SOCS7: variants seen among roughly 807,000 people sequenced by gnomAD.
SOCS7 encodes the protein NAP-4.
A neutral mutation model predicts 58.9 loss-of-function variants in SOCS7; 18 were observed. That is an observed-to-expected ratio of 0.31 (90% CI 0.21 to 0.45). The LOEUF is 0.45. SOCS7 is among the 20% of genes least tolerant of loss of function. The pLI is 1.00. For missense variants in SOCS7, 667 were observed against 837.3 expected (o/e 0.80, Z 2.51); for synonymous variants, 388 against 364.3 (o/e 1.06, Z -0.74).
intron 3 of SOCS7, 25 bp from the exon 4 acceptor site, chr17:38,365,283 C>A (rs935731750): frequency 1.3e-6 from 2 of 1,558,374 alleles, no homozygotes; most frequent in Non-Finnish European, 1.8e-6. Context: ...ATTTCTGAAC[C>A]TCTTGCTTTT....
Position 38,405,536 on chromosome 17 carries a change from C to T in SOCS7, c.*6054C>T, listed in dbSNP as rs1206786306. On this transcript the variant is annotated 3_prime_UTR_variant, in exon 10 of 10. Transcript: ENST00000612932. ...CTCCTTTTTATGATTGCTGTACCTACCCATGTCTTTTTGGGGAGGGGTGAA... is the reference window on the plus strand; with the variant it reads ...CTCCTTTTTATGATTGCTGTACCTATCCATGTCTTTTTGGGGAGGGGTGAA... The T allele has an allele frequency of 6.6e-6, 1 of 152,114 alleles. No homozygotes were observed. The highest frequency in any genetic ancestry group is 1.5e-5 in the Non-Finnish European group (1 of 68,024). The allele number at this position is 152,114 out of a possible 1,614,324, so 9.4% of individuals were successfully genotyped here. A position where few individuals can be genotyped will look rare whatever the true frequency, so the allele number is the denominator to read the frequency against.
rs556918138 is a variant in SOCS7, at chr17:38,391,401, C to CT, written c.1682-3900dup. 1.6e-4 allele frequency among the ~76,000 whole-genome samples: 25 copies of CT among 151,952 alleles called. No homozygotes were observed. In the Middle Eastern group the frequency reaches 0.014, roughly 83 times the overall value. ...CAGTGCTTCACTGTTAGCTGAATAT[C>CT]TTTTTTTTAGACAGGGTCTTACCCT... On this transcript the variant is annotated intron_variant, in intron 7 of 9. Transcript: ENST00000612932.
intron 4 of SOCS7, 37 bp from the exon 5 acceptor site, chr17:38,366,250 A>C: frequency 6.2e-7 from 1 of 1,605,788 alleles, no homozygotes; most frequent in Non-Finnish European, 8.5e-7. Context: ...GGGAGCAGTG[A>C]GGGTAAACAA....
rs2038373688 is a variant in SOCS7 at position 38,405,041 on chromosome 17, CT to C, written c.*5560del. On this transcript the variant is annotated 3_prime_UTR_variant, in exon 10 of 10. Coordinates refer to ENST00000612932, the MANE Select transcript of SOCS7 (RefSeq NM_014598.4). Reference sequence around the variant, plus strand: ...CCACTTCTGTCTCCGTTAGCCCCCCCTCTGCCCTCCTCCAAGCCAAAGCGTG... The same window carrying C: ...CCACTTCTGTCTCCGTTAGCCCCCCCCTGCCCTCCTCCAAGCCAAAGCGTG... The C allele has an allele frequency of 6.6e-6, 1 of 152,218 alleles. No homozygotes were observed. Among genetic ancestry groups the C allele is most frequent in the Non-Finnish European group, 1.5e-5 (1 of 68,044 alleles). 9.4% of individuals were successfully genotyped at this position (152,218 alleles called of 1,614,324 possible).
intron 6 of SOCS7, among the ~76,000 whole-genome samples, chr17:38,369,808 TGA>T (rs2037838342): frequency 6.6e-6 from 1 of 151,590 alleles, no homozygotes; most frequent in Non-Finnish European, 1.5e-5. Context: ...TTTTTTTTTT[TGA>T]GACAGAGTTT....
intron 7 of SOCS7, among the ~76,000 whole-genome samples, chr17:38,394,787 C>T (rs550026172): frequency 2.6e-4 from 39 of 152,284 alleles, no homozygotes; most frequent in Middle Eastern, 3.4e-3. Flanking sequence ...CAGTGGCTCA[C>T]GCCTGTAATC....
chr17:38,367,435 G>A (rs755545611), intron 5 of SOCS7, among the ~76,000 whole-genome samples: 4 of 151,832 alleles, frequency 2.6e-5, no homozygotes, highest in South Asian at 4.2e-4. Context: ...GTACAGTGGC[G>A]CAATACCAGC....
At chr17:38,377,424 A>T (rs551321912) in intron 6 of SOCS7, among the ~76,000 whole-genome samples, 2 of 152,216 alleles carry the variant, frequency 1.3e-5, no homozygotes, top group African/African-American at 4.8e-5. Flanking sequence ...AATATGAAAA[A>T]ATCCAAAATC....
Position 38,377,705 on chromosome 17 carries a change from C to T in SOCS7, c.1553-9C>T, listed in dbSNP as rs2037949732. The T allele has an allele frequency of 1.9e-6, 3 of 1,593,860 alleles. No homozygotes were observed. Among genetic ancestry groups the T allele is most frequent in the African/African-American group, 2.7e-5 (2 of 73,618 alleles). On this transcript the variant is annotated splice_polypyrimidine_tract_variant and intron_variant, in intron 6 of 9. Transcript: ENST00000612932. ...TTTAAAATTTTTACTTCTTAATTTT[C>T]CATGGCAGGAACCTTCAGCCTGTGG...
intron 4 of SOCS7, 53 bp downstream of exon 4, chr17:38,365,462 C>A: frequency 8.5e-7 from 1 of 1,177,266 alleles, no homozygotes; most frequent in South Asian, 1.4e-5. Context: ...CAAAGTGATA[C>A]TTTCTACCAT....
Position 38,389,865 on chromosome 17 carries a change from GTACATATATATATATATGTACA to G in SOCS7, c.1682-5441_1682-5420del, listed in dbSNP as rs1321477869. Reference sequence around the variant, plus strand: ...ATTTTTTTGTTTGGTGTGTATGTGTGTACATATATATATATATGTACATATATATATATACACATATAGAGAG... The same window carrying G: ...ATTTTTTTGTTTGGTGTGTATGTGTGTATATATATATACACATATAGAGAG... On this transcript the variant is annotated intron_variant, in intron 7 of 9. Coordinates refer to ENST00000612932, the MANE Select transcript of SOCS7 (RefSeq NM_014598.4). 4.1e-4 allele frequency among the ~76,000 whole-genome samples: 11 copies of G among 26,872 alleles called. 2 individuals carry two copies. The highest frequency in any genetic ancestry group is 7.5e-4 in the African/African-American group (7 of 9,314). The allele number at this position is 26,872 out of a possible 152,430, so 17.6% of individuals were successfully genotyped here. A position where few individuals can be genotyped will look rare whatever the true frequency, so the allele number is the denominator to read the frequency against.
chr17:38,387,009 C>A (rs1278092258), intron 7 of SOCS7, among the ~76,000 whole-genome samples: 1 of 139,444 alleles, frequency 7.2e-6, no homozygotes, highest in African/African-American at 2.8e-5. Context: ...TGGTGTGAAT[C>A]GGGAGGCAGA....
At chr17:38,384,891 C>CTTTTTTT (rs71138614) in intron 7 of SOCS7, among the ~76,000 whole-genome samples, 2 of 76,638 alleles carry the variant, frequency 2.6e-5, no homozygotes, top group African/African-American at 6.0e-5. Flanking sequence ...GCACCCAGCT[C>CTTTTTTT]TTTTTTTTTT....
At chr17:38,387,193 C>T in intron 7 of SOCS7, among the ~76,000 whole-genome samples, 1 of 137,034 alleles carries the variant, frequency 7.3e-6, no homozygotes, top group African/African-American at 2.9e-5. Flanking sequence ...CCTGTAATCC[C>T]AGCATTTTGG....
chr17:38,387,627 A>G lies in SOCS7; in HGVS notation c.1682-7682A>G, dbSNP rs2038095682. ...CAATATATTGTATATTATATATACA[A>G]TATATTGTATATTATATACACTATA... is the stretch of plus-strand genomic sequence containing the variant. On this transcript the variant is annotated intron_variant, in intron 7 of 9. Transcript: ENST00000612932. Among the ~76,000 whole-genome samples, 897 of 140,354 alleles carry G rather than the reference A, an allele frequency of 6.4e-3. 78 individuals are homozygous for G. The highest frequency in any genetic ancestry group is 0.023 in the African/African-American group (832 of 36,750). 92.1% of individuals were successfully genotyped at this position (140,354 alleles called of 152,430 possible).
Position 38,352,367 on chromosome 17 carries a change from G to A in SOCS7, c.315G>A (p.Pro105=). 4 of 1,443,136 alleles carry A rather than the reference G, an allele frequency of 2.8e-6. No individual in the cohort carries two copies. Among genetic ancestry groups the A allele is most frequent in the Non-Finnish European group, 2.7e-6 (3 of 1,109,370 alleles). The allele number at this position is 1,443,136 out of a possible 1,614,324, so 89.4% of individuals were successfully genotyped here. Residue 105 remains proline, a synonymous_variant, in exon 1 of 10, where the codon CCG becomes CCA. Transcript: ENST00000612932. The surrounding 1 kb of genome is among the most constrained non-coding windows in gnomAD (Gnocchi z 5.5). ...HRCALDPKAL[P]PGLALERTWG... is the part of the protein sequence containing the mutation. ...GTGCCCTGGACCCCAAGGCCCTGCCGCCGGGCTTGGCGCTCGAGCGGACCT... is the reference window on the plus strand; with the variant it reads ...GTGCCCTGGACCCCAAGGCCCTGCCACCGGGCTTGGCGCTCGAGCGGACCT...
At chr17:38,366,470 C>T in intron 5 of SOCS7, 53 bp downstream of exon 5, 1 of 1,597,844 alleles carries the variant, frequency 6.3e-7, no homozygotes, top group Non-Finnish European at 8.6e-7. Context: ...TAGCTAAATT[C>T]TGTATTCGGA....
intron 7 of SOCS7, among the ~76,000 whole-genome samples, chr17:38,389,897 A>G (rs1597776832): frequency 0.011 from 824 of 76,250 alleles, 33 homozygotes; most frequent in African/African-American, 0.022. Flanking sequence ...ATATATATAT[A>G]TACACATATA....
chr17:38,364,484 C>T (rs941494084), intron 2 of SOCS7, among the ~76,000 whole-genome samples: 3 of 152,138 alleles, frequency 2.0e-5, no homozygotes, highest in South Asian at 4.1e-4. Flanking sequence ...AAGTCAGTGG[C>T]GGAACCAGAA....
Sources: allele counts gnomAD v4.1 joint callset (sites outside exome capture counted in the v4.1 genomes callset), GRCh38; gene constraint gnomAD v4.1.1; non-coding constraint Gnocchi (gnomAD v3.1); transcripts MANE v1.5; gene names NCBI Gene and HGNC (gene_info 2026-07-23, HGNC 2026-07-21).